Variants in NT5DC1 observed in about 807,000 individuals in gnomAD.
NT5DC1 encodes 5'-nucleotidase domain-containing protein 1.
A neutral mutation model predicts 59.4 loss-of-function variants in NT5DC1; 42 were observed. The observed-to-expected ratio is 0.71, with a 90% CI of 0.55 to 0.92. The LOEUF (loss-of-function observed/expected upper bound fraction) is 0.92. NT5DC1 is among the 40% of genes least tolerant of loss of function. The probability of loss-of-function intolerance (pLI) is 0.00; values close to 1 mark genes in which losing one functional copy is unlikely to be tolerated. For synonymous variants in NT5DC1, 172 were observed against 188.1 expected, an observed-to-expected ratio of 0.91 and a Z score of 0.70; for missense variants, 501 against 537.1, an observed-to-expected ratio of 0.93 and a Z score of 0.66.
In NT5DC1 at chr6:116,162,052, T is replaced by A. The variant is rs546976680; in HGVS notation, c.529+44107T>A. Among the ~76,000 whole-genome samples the A allele has an allele frequency of 3.9e-5, 6 of 152,314 alleles. No homozygotes were observed. In the East Asian group the frequency reaches 1.2e-3, roughly 29 times the overall value. On this transcript the variant is annotated intron_variant, in intron 6 of 11. Transcript: ENST00000319550. ...TTTTTATGGCTATTGTAAATGAGAT[T>A]GAGTTTTTTATTTGGTTTTCTGCTT...
chr6:116,158,843 T>C (rs1018015231), intron 6 of NT5DC1: 9 of 152,184 alleles, frequency 5.9e-5, no homozygotes, highest in African/African-American at 2.2e-4. Flanking sequence ...CGAATGATGG[T>C]TTGCCTTCTG....
chr6:116,123,176 T>C (rs1582815897), intron 6 of NT5DC1, among the ~76,000 whole-genome samples: 1 of 152,314 alleles, frequency 6.6e-6, no homozygotes, highest in African/African-American at 2.4e-5. Context: ...CTTAGTCTGA[T>C]TGGAAATCTG....
At chr6:116,111,065 C>A in intron 4 of NT5DC1, 109 bp downstream of exon 4, 2 of 701,992 alleles carry the variant, frequency 2.8e-6, no homozygotes. Context: ...GGGCAGGATG[C>A]CAAAGGGAGC....
intron 6 of NT5DC1, among the ~76,000 whole-genome samples, chr6:116,170,007 A>G (rs1780568869): frequency 6.6e-6 from 1 of 152,174 alleles, no homozygotes; most frequent in Admixed American, 6.5e-5. Flanking sequence ...CCATTGGGTA[A>G]TAGAAAGACA....
intron 8 of NT5DC1, among the ~76,000 whole-genome samples, chr6:116,232,682 T>C (rs998790770): frequency 6.6e-6 from 1 of 152,178 alleles, no homozygotes; most frequent in Non-Finnish European, 1.5e-5. Context: ...TAAGTTTTGC[T>C]TAGCTTTATT....
chr6:116,242,305 C>T (rs1416171775), intron 11 of NT5DC1, among the ~76,000 whole-genome samples: 1 of 152,046 alleles, frequency 6.6e-6, no homozygotes, highest in African/African-American at 2.4e-5. Flanking sequence ...TGCGCCACTG[C>T]ACTCCAGCCT....
chr6:116,109,030 C>G (rs566007126), intron 3 of NT5DC1, among the ~76,000 whole-genome samples: 1 of 152,290 alleles, frequency 6.6e-6, no homozygotes, highest in East Asian at 1.9e-4. Context: ...TCAACGGTTG[C>G]TAAGGGTATG....
At chr6:116,119,255 A>G (rs535216842) in intron 6 of NT5DC1, 1 of 152,806 alleles carries the variant, frequency 6.5e-6, no homozygotes, top group Non-Finnish European at 1.5e-5. Flanking sequence ...CTGTAAATCC[A>G]GAAAATCATA....
chr6:116,193,900 C>G (rs1452683436), intron 6 of NT5DC1, among the ~76,000 whole-genome samples: 1 of 151,786 alleles, frequency 6.6e-6, no homozygotes. Context: ...GCAAAAAATA[C>G]AAAAAATACA....
chr6:116,160,284 A>G (rs1162304709), intron 6 of NT5DC1, among the ~76,000 whole-genome samples: 2 of 151,880 alleles, frequency 1.3e-5, no homozygotes, highest in Admixed American at 6.6e-5. Flanking sequence ...TCTGTTATCT[A>G]TTGGCTTTTT....
chr6:116,214,985 C>T (rs1781662557), intron 6 of NT5DC1, among the ~76,000 whole-genome samples: 1 of 151,924 alleles, frequency 6.6e-6, no homozygotes, highest in African/African-American at 2.4e-5. Flanking sequence ...GGGTGGGGGG[C>T]ATAGGAATTG....
At chr6:116,130,427 T>C (rs1398968637) in intron 6 of NT5DC1, among the ~76,000 whole-genome samples, 4 of 151,684 alleles carry the variant, frequency 2.6e-5, no homozygotes, top group Non-Finnish European at 5.9e-5. Flanking sequence ...GCTCCTGAGT[T>C]CTTTTGACCA....
intron 11 of NT5DC1, among the ~76,000 whole-genome samples, chr6:116,240,214 G>A (rs940284759): frequency 6.6e-5 from 10 of 152,250 alleles, no homozygotes; most frequent in Non-Finnish European, 1.5e-4. Flanking sequence ...TTGAGTCCTA[G>A]AATGATGTTA....
At chr6:116,172,903 C>T (rs1780643406) in intron 6 of NT5DC1, among the ~76,000 whole-genome samples, 1 of 152,064 alleles carries the variant, frequency 6.6e-6, no homozygotes, top group Non-Finnish European at 1.5e-5. Context: ...ATTCTTTTTG[C>T]AGGCACTTTT....
chr6:116,155,568 A>G (rs1000149318), intron 6 of NT5DC1, among the ~76,000 whole-genome samples: 2 of 152,148 alleles, frequency 1.3e-5, no homozygotes, highest in African/African-American at 4.8e-5. Context: ...GAATCCATCC[A>G]AAATCACATG....
At chr6:116,167,041 G>A (rs1267407667) in intron 6 of NT5DC1, among the ~76,000 whole-genome samples, 1 of 151,736 alleles carries the variant, frequency 6.6e-6, no homozygotes, top group Non-Finnish European at 1.5e-5. Context: ...ATAAATTTTT[G>A]CCCCCAAGAA....
At chr6:116,126,087 G>T (rs1779297847) in intron 6 of NT5DC1, 1 of 154,494 alleles carries the variant, frequency 6.5e-6, no homozygotes. Context: ...TGGTGCCTTG[G>T]CAGCTTTCTG....
rs1319095092 is a variant in NT5DC1 at position 116,160,062 on chromosome 6, T to C, written c.529+42117T>C. ...TCCATGACTTTGCTATTGTGAATAG[T>C]GCTCAATAAACATATAAGTACAGGT... On this transcript the variant is annotated intron_variant, in intron 6 of 11. Transcript: ENST00000319550. Among the ~76,000 whole-genome samples, 4 of 152,326 alleles carry C rather than the reference T, an allele frequency of 2.6e-5. 1 individual carries two copies. The East Asian group carries it at 7.7e-4, about 29-fold the overall frequency.
chr6:116,228,339 T>C (rs1781947660), intron 8 of NT5DC1, among the ~76,000 whole-genome samples: 1 of 152,134 alleles, frequency 6.6e-6, no homozygotes, highest in African/African-American at 2.4e-5. Flanking sequence ...AGAAACCTCG[T>C]CTCTACTAAA....
Sources: gnomAD v4.1 joint callset for allele counts (sites outside exome capture counted in the v4.1 genomes callset) on GRCh38, gnomAD v4.1.1 for gene constraint, MANE v1.5 for transcripts, NCBI Gene and HGNC (gene_info 2026-07-23, HGNC 2026-07-21) for gene names.